HAVCR2: variants seen among roughly 807,000 people sequenced by gnomAD.
HAVCR2 encodes T cell immunoglobulin mucin 3.
HAVCR2 carries 13 observed loss-of-function variants against 24.7 expected under a neutral mutation model. The observed-to-expected ratio is 0.53, with a 90% confidence interval of 0.34 to 0.84. The LOEUF (loss-of-function observed/expected upper bound fraction) is 0.84, where lower values mean the gene tolerates loss of function less well. HAVCR2 is among the 40% of genes least tolerant of loss of function. The pLI is 0.01. For missense variants in HAVCR2, 343 were observed against 371.2 expected, an observed-to-expected ratio of 0.92 and a Z score of 0.62; for synonymous variants, 154 against 143.4, an observed-to-expected ratio of 1.07 and a Z score of -0.53.
intron 1 of HAVCR2, 115 bp downstream of exon 1, chr5:157,108,811 G>A: frequency 1.2e-6 from 1 of 862,020 alleles, no homozygotes; most frequent in East Asian, 2.5e-5. Flanking sequence ...GGACATTTAG[G>A]TTGCTTCCAA....
At chr5:157,090,716 G>A (rs1756987304) in intron 5 of HAVCR2, among the ~76,000 whole-genome samples, 3 of 152,206 alleles carry the variant, frequency 2.0e-5, no homozygotes, top group Admixed American at 6.6e-5. Flanking sequence ...ATTCGAAGGA[G>A]GAATAAAGAA....
chr5:157,087,421 A>T, intron 6 of HAVCR2, 127 bp from the exon 7 acceptor site: 1 of 640,236 alleles, frequency 1.6e-6, no homozygotes, highest in Non-Finnish European at 2.4e-6. Context: ...CAGATGCTGA[A>T]CAAGTGGAAA....
intron 6 of HAVCR2, among the ~76,000 whole-genome samples, chr5:157,088,687 T>A (rs1375794601): frequency 6.6e-6 from 1 of 152,240 alleles, no homozygotes; most frequent in South Asian, 2.1e-4. Context: ...AATATCGAGA[T>A]GAATAAGCAT....
chr5:157,092,909 AAAAAAAAAACT>A (rs1757027650), intron 5 of HAVCR2, among the ~76,000 whole-genome samples: 1 of 115,518 alleles, frequency 8.7e-6, no homozygotes. Context: ...AAAAAAAAAA[AAAAAAAAAACT>A]AGCCAGGTGT....
At chr5:157,088,148 G>A (rs898336048) in intron 6 of HAVCR2, among the ~76,000 whole-genome samples, 1 of 152,128 alleles carries the variant, frequency 6.6e-6, no homozygotes, top group Non-Finnish European at 1.5e-5. Flanking sequence ...GGGCTCATGT[G>A]ATCCTCCCAC....
Position 157,106,815 on chromosome 5 carries a change from C to T in HAVCR2, c.206G>A (p.Arg69Lys). ...PVFECGNVVL[R>K]TDERDVNYWT... ...ATAATTCACATCCCTTTCATCAGTCCTGAGCACCACGTTGCCACATTCAAA... is the reference window on the plus strand; with the variant it reads ...ATAATTCACATCCCTTTCATCAGTCTTGAGCACCACGTTGCCACATTCAAA... The change falls in exon 2 of 7, where the codon AGG becomes AAG. Residue 69 changes from arginine to lysine, a missense_variant. Physicochemically the swap from Arg to Lys is conservative, Grantham distance 26. Transcript: ENST00000307851. 6.2e-7 allele frequency: 1 copy of T among 1,614,178 alleles called. No homozygotes were observed.
chr5:157,103,231 C>T (rs571841231), intron 3 of HAVCR2, among the ~76,000 whole-genome samples: 1 of 151,938 alleles, frequency 6.6e-6, no homozygotes, highest in Admixed American at 6.6e-5. Context: ...ATTAGCTGGG[C>T]TTGATGGTGG....
intron 3 of HAVCR2, among the ~76,000 whole-genome samples, chr5:157,099,891 T>A (rs1319743633): frequency 1.3e-5 from 2 of 152,082 alleles, no homozygotes; most frequent in Admixed American, 6.6e-5. Context: ...AGACGGGGTT[T>A]CGCCATGTTG....
chr5:157,100,974 T>C (rs543877504), intron 3 of HAVCR2, among the ~76,000 whole-genome samples: 1 of 152,104 alleles, frequency 6.6e-6, no homozygotes, highest in East Asian at 1.9e-4. Flanking sequence ...TGTACGCCTG[T>C]AGTCCCAGCT....
rs1756905836 is a variant in HAVCR2 at position 157,085,935 on chromosome 5, A to T, written c.*1167T>A. ...ACAGATCAAGCCTATACCGTCTTGA[A>T]ATTTAAGTTTAGGGACCACTCTCTG... On this transcript the variant is annotated 3_prime_UTR_variant, in exon 7 of 7. Transcript: ENST00000307851. 6.6e-6 allele frequency: 1 copy of T among 152,232 alleles called. No homozygotes were observed. The highest frequency in any genetic ancestry group is 2.4e-5 in the African/African-American group (1 of 41,472). The allele number at this position is 152,232 out of a possible 1,614,324, so 9.4% of individuals were successfully genotyped here. A position where few individuals can be genotyped will look rare whatever the true frequency, so the allele number is the denominator to read the frequency against.
chr5:157,107,876 A>G (rs1229511679), intron 1 of HAVCR2, among the ~76,000 whole-genome samples: 1 of 107,464 alleles, frequency 9.3e-6, no homozygotes, highest in Non-Finnish European at 1.9e-5. Context: ...CCCCTTTTTT[A>G]TGTGAAAACT....
In HAVCR2 at chr5:157,095,329, AT is replaced by A; in HGVS notation, c.652del (p.Ile218SerfsTer5). ...ACATTTGAAAATTAAAGCGCCGAAG[AT>A]AAGAGCCAGAGCCAGCCCAGCACAG... ...GICAGLALAL[I>X]FGALIFKWYS... On this transcript the variant is annotated frameshift_variant, in exon 5 of 7. Coordinates refer to ENST00000307851, the MANE Select transcript of HAVCR2 (RefSeq NM_032782.5). LOFTEE classifies it high-confidence loss of function. 6.2e-7 allele frequency: 1 copy of A among 1,613,926 alleles called. No homozygotes were observed. The highest frequency in any genetic ancestry group is 8.5e-7 in the Non-Finnish European group (1 of 1,179,950).
intron 2 of HAVCR2, among the ~76,000 whole-genome samples, chr5:157,105,155 C>T (rs1342771056): frequency 1.3e-5 from 2 of 151,722 alleles, no homozygotes; most frequent in African/African-American, 4.8e-5. Flanking sequence ...ACCTCCGCCT[C>T]CTGGGTTCAA....
intron 5 of HAVCR2, among the ~76,000 whole-genome samples, chr5:157,092,494 T>C (rs1326034929): frequency 6.6e-6 from 1 of 152,046 alleles, no homozygotes; most frequent in Non-Finnish European, 1.5e-5. Flanking sequence ...TTGCCCAGGC[T>C]GGAGTGCAAT....
chr5:157,090,842 CTGT>C (rs1561619277), intron 5 of HAVCR2, among the ~76,000 whole-genome samples: 4 of 152,080 alleles, frequency 2.6e-5, no homozygotes, highest in South Asian at 4.2e-4. Flanking sequence ...CAGGAATCTT[CTGT>C]TGTTGTTTTT....
chr5:157,101,941 A>ATTTT lies in HAVCR2; in HGVS notation c.478+2721_478+2724dup, dbSNP rs869260432. Among the ~76,000 whole-genome samples the ATTTT allele has an allele frequency of 2.6e-3, 220 of 83,032 alleles. 2 individuals carry two copies. The highest frequency in any genetic ancestry group is 0.01 in the African/African-American group (207 of 20,492). 54.5% of individuals were successfully genotyped at this position (83,032 alleles called of 152,430 possible). A position where few individuals can be genotyped will look rare whatever the true frequency, so the allele number is the denominator to read the frequency against. On this transcript the variant is annotated intron_variant, in intron 3 of 6. Transcript: ENST00000307851. ...CAGGCACATGCCACCATGCCCGGCT[A>ATTTT]TTTTTTTTTTTTTTTTTTTTTTTGG...
At position 157,098,925 on chromosome 5, in the gene HAVCR2, G is replaced by A. The variant is rs552394486; in HGVS notation, c.479-24C>T. The A allele has an allele frequency of 5.5e-5, 88 of 1,606,588 alleles. No individual in the cohort carries two copies. The South Asian group carries it at 9.3e-4, about 17-fold the overall frequency. On this transcript the variant is annotated intron_variant, in intron 3 of 6. Transcript: ENST00000307851. ...TGCTATAAAAAGAGAGAGAGAGAGA[G>A]AGAGAGGAAAAATAGCCAATAGTAT...
chr5:157,097,629 C>A (rs945777464), intron 4 of HAVCR2, among the ~76,000 whole-genome samples: 1 of 151,804 alleles, frequency 6.6e-6, no homozygotes, highest in Non-Finnish European at 1.5e-5. Context: ...GAGGGAATTT[C>A]GCTCTTGTTG....
At chr5:157,099,133 A>G (rs1286098684) in intron 3 of HAVCR2, among the ~76,000 whole-genome samples, 1 of 152,214 alleles carries the variant, frequency 6.6e-6, no homozygotes, top group Non-Finnish European at 1.5e-5. Context: ...AATGAACCGT[A>G]CTGTTTTATG....
Sources: allele counts gnomAD v4.1 joint callset (sites outside exome capture counted in the v4.1 genomes callset), GRCh38; gene constraint gnomAD v4.1.1; transcripts MANE v1.5; gene names NCBI Gene and HGNC (gene_info 2026-07-23, HGNC 2026-07-21).